SEC14L1: variants seen among roughly 807,000 people sequenced by gnomAD.
The protein encoded by SEC14L1 is SEC14 like lipid binding 1, also known as SEC14-like protein 1.
SEC14L1 carries 48 observed loss-of-function variants against 85.3 expected under a neutral mutation model. The observed-to-expected ratio is 0.56, with a 90% CI of 0.45 to 0.72. The LOEUF is 0.72. Among genes scored for constraint, SEC14L1 ranks in the 30% least tolerant of loss-of-function variants. The pLI is 0.00. For synonymous variants in SEC14L1, 391 were observed against 355.5 expected (o/e 1.10, Z -1.12); for missense variants, 682 against 921.4 (o/e 0.74, Z 3.36).
intron 13 of SEC14L1, among the ~76,000 whole-genome samples, chr17:77,208,238 C>G (rs1024699197): frequency 1.3e-5 from 2 of 152,186 alleles, no homozygotes; most frequent in Non-Finnish European, 2.9e-5. Context: ...CATCACAGTA[C>G]AATGCAAAGA....
intron 3 of SEC14L1, among the ~76,000 whole-genome samples, chr17:77,102,769 G>C (rs925968995): frequency 2.0e-5 from 3 of 152,060 alleles, no homozygotes; most frequent in Admixed American, 2.0e-4. Context: ...TTCCCAAAGT[G>C]CTGGGATTAC....
chr17:77,170,608 A>G (rs1232890108), intron 3 of SEC14L1, among the ~76,000 whole-genome samples: 3 of 152,220 alleles, frequency 2.0e-5, no homozygotes, highest in Non-Finnish European at 4.4e-5. Flanking sequence ...AAGGCAGTCC[A>G]TAAAGCATTT....
At chr17:77,196,410 C>T (rs1188680485) in intron 8 of SEC14L1, 99 bp downstream of exon 8, 1 of 689,618 alleles carries the variant, frequency 1.5e-6, no homozygotes, top group African/African-American at 1.8e-5. Flanking sequence ...TCCCAACTTC[C>T]ACGGCTGGGA....
Position 77,150,351 on chromosome 17 carries a change from G to A in SEC14L1, c.63+6692G>A, listed in dbSNP as rs113285243. ...AAACAGACAGCAGGGGTGAGGGTAG[G>A]CAAGGGCGACCTGGTGATGCCACAG... On this transcript the variant is annotated intron_variant, in intron 3 of 16. Coordinates refer to ENST00000436233, the MANE Select transcript of SEC14L1 (RefSeq NM_001143998.2). Among the ~76,000 whole-genome samples the A allele has an allele frequency of 3.5e-3, 533 of 152,284 alleles. 1 individual carries two copies. Among genetic ancestry groups the A allele is most frequent in the African/African-American group, 0.012 (497 of 41,558 alleles).
At chr17:77,113,797 C>T (rs1285185450) in intron 3 of SEC14L1, among the ~76,000 whole-genome samples, 1 of 152,152 alleles carries the variant, frequency 6.6e-6, no homozygotes, top group Non-Finnish European at 1.5e-5. Context: ...AAGTTCATCT[C>T]CCTTCTAAGC....
chr17:77,089,487 A>G (rs1342913426), intron 2 of SEC14L1: 1 of 517,120 alleles, frequency 1.9e-6, no homozygotes. Flanking sequence ...TGATACTGCA[A>G]ACAGGACCTA....
chr17:77,099,576 G>T (rs1971720227), intron 3 of SEC14L1, among the ~76,000 whole-genome samples: 1 of 152,170 alleles, frequency 6.6e-6, no homozygotes, highest in Non-Finnish European at 1.5e-5. Flanking sequence ...GGCCAACATG[G>T]TGAAACCTCG....
Position 77,204,522 on chromosome 17 carries a change from C to CCTTTTTTTTTTTTTTTTTTTTTT in SEC14L1, c.1099-754_1099-753insCTTTTTTTTTTTTTTTTTTTTTT, listed in dbSNP as rs1555628453. Among the ~76,000 whole-genome samples, 4 of 84,728 alleles carry CCTTTTTTTTTTTTTTTTTTTTTT rather than the reference C, an allele frequency of 4.7e-5. 2 individuals are homozygous for CCTTTTTTTTTTTTTTTTTTTTTT. The highest frequency in any genetic ancestry group is 7.9e-5 in the African/African-American group (2 of 25,198). 55.6% of individuals were successfully genotyped at this position (84,728 alleles called of 152,430 possible). A position where few individuals can be genotyped will look rare whatever the true frequency, so the allele number is the denominator to read the frequency against. On this transcript the variant is annotated intron_variant, in intron 10 of 16. Coordinates refer to ENST00000436233, the MANE Select transcript of SEC14L1 (RefSeq NM_001143998.2). ...GGCTTGAGCCACCCTGCCCAGCCAG[C>CCTTTTTTTTTTTTTTTTTTTTTT]TTTTTTTTTTTTTTTTTTTTTTTTT...
intron 1 of SEC14L1, chr17:77,141,323 C>A (rs1973026680): frequency 7.6e-6 from 1 of 131,312 alleles, no homozygotes; most frequent in African/African-American, 2.9e-5. Flanking sequence ...CCCCTCGCCG[C>A]CCCTCGCCCC....
intron 3 of SEC14L1, among the ~76,000 whole-genome samples, chr17:77,168,730 G>T (rs180947770): frequency 6.6e-6 from 1 of 152,174 alleles, no homozygotes; most frequent in East Asian, 1.9e-4. Context: ...TTATGTTAAG[G>T]GCTCTTCTAT....
chr17:77,214,992 C>T lies in SEC14L1; in HGVS notation c.*969C>T. The T allele has an allele frequency of 2.0e-6, 2 of 985,502 alleles. No homozygotes were observed. Among genetic ancestry groups the T allele is most frequent in the Non-Finnish European group, 2.4e-6 (2 of 830,000 alleles). 61.0% of individuals were successfully genotyped at this position (985,502 alleles called of 1,614,324 possible). A position where few individuals can be genotyped will look rare whatever the true frequency, so the allele number is the denominator to read the frequency against. On this transcript the variant is annotated 3_prime_UTR_variant, in exon 17 of 17. Coordinates refer to ENST00000436233, the MANE Select transcript of SEC14L1 (RefSeq NM_001143998.2). ...ATTAGTAGCTAAGCAGCAGCTCTCG[C>T]ATCCACTTCAGGGTGGCGTGTGGCA...
intron 3 of SEC14L1, among the ~76,000 whole-genome samples, chr17:77,100,850 A>C (rs1971762798): frequency 6.6e-6 from 1 of 152,090 alleles, no homozygotes; most frequent in African/African-American, 2.4e-5. Flanking sequence ...TTTTTCTTAG[A>C]TGAGTGAGAG....
intron 3 of SEC14L1, among the ~76,000 whole-genome samples, chr17:77,108,189 T>C (rs540382851): frequency 6.6e-6 from 1 of 152,270 alleles, no homozygotes; most frequent in African/African-American, 2.4e-5. Flanking sequence ...GCCATATAAA[T>C]GTGCTCAATA....
In SEC14L1 at chr17:77,092,976, A is replaced by C. The variant is rs1762504923; in HGVS notation, c.-239-268A>C. On this transcript the variant is annotated intron_variant, in intron 2 of 19. Coordinates refer to the SEC14L1 transcript ENST00000392476. Reference sequence around the variant, plus strand: ...CAAAAAAAAAAAAAAAAAAAAAAGAAAGGGAAAGATGAGGTTAGGAAGTCC... The same window carrying C: ...CAAAAAAAAAAAAAAAAAAAAAAGACAGGGAAAGATGAGGTTAGGAAGTCC... Among the ~76,000 whole-genome samples the C allele has an allele frequency of 2.0e-5, 3 of 150,788 alleles. No individual in the cohort carries two copies. The South Asian group carries it at 6.2e-4, about 31-fold the overall frequency.
chr17:77,208,637 C>G (rs1358749915), intron 13 of SEC14L1, among the ~76,000 whole-genome samples: 2 of 152,204 alleles, frequency 1.3e-5, no homozygotes, highest in Non-Finnish European at 2.9e-5. Context: ...AGCGGGCAGT[C>G]TGGTATTTTT....
chr17:77,143,880 TG>T (rs1666905302), intron 3 of SEC14L1: 1 of 404,158 alleles, frequency 2.5e-6, no homozygotes, highest in African/African-American at 2.1e-5. Flanking sequence ...CTCAGGGTAA[TG>T]TATGAATTGA....
chr17:77,159,674 C>A (rs1437918493), intron 3 of SEC14L1, among the ~76,000 whole-genome samples: 1 of 152,156 alleles, frequency 6.6e-6, no homozygotes, highest in Non-Finnish European at 1.5e-5. Context: ...CCACCGCTCC[C>A]GGCCCTTGTC....
chr17:77,100,428 CTT>C (rs1188386603), intron 3 of SEC14L1, among the ~76,000 whole-genome samples: 19 of 25,572 alleles, frequency 7.4e-4, no homozygotes, highest in African/African-American at 2.8e-3. Flanking sequence ...CTCTCTCTCT[CTT>C]TTTTTTTTTT....
chr17:77,109,187 T>C (rs1971993686), intron 3 of SEC14L1, among the ~76,000 whole-genome samples: 1 of 152,174 alleles, frequency 6.6e-6, no homozygotes, highest in Non-Finnish European at 1.5e-5. Context: ...ATATTGGTCA[T>C]TTCAAAGTTA....
Sources: gnomAD v4.1 joint callset for allele counts (sites outside exome capture counted in the v4.1 genomes callset) on GRCh38, gnomAD v4.1.1 for gene constraint, MANE v1.5 for transcripts, NCBI Gene and HGNC (gene_info 2026-07-23, HGNC 2026-07-21) for gene names.